Variants in CANX observed in about 807,000 individuals in gnomAD.
CANX encodes the protein epididymis secretory sperm binding protein.
Under a neutral mutation model 75.7 loss-of-function variants are expected in CANX, and 14 were observed. The observed-to-expected ratio is 0.19, with a 90% CI of 0.12 to 0.29. CANX has a LOEUF of 0.29. Ranked by LOEUF, CANX falls within the 10% of genes least tolerant of loss-of-function variation. CANX has a pLI of 1.00. For missense variants in CANX, 567 were observed against 713.2 expected, an observed-to-expected ratio of 0.79 and a Z score of 2.34; for synonymous variants, 227 against 236.9, an observed-to-expected ratio of 0.96 and a Z score of 0.38.
intron 1 of CANX, among the ~76,000 whole-genome samples, chr5:179,705,004 T>TG (rs896447233): frequency 2.2e-4 from 34 of 152,278 alleles, no homozygotes; most frequent in African/African-American, 7.7e-4. Flanking sequence ...TGTTAATTTT[T>TG]TTTTTTGAGA....
At chr5:179,710,868 C>T (rs1777506002) in intron 7 of CANX, among the ~76,000 whole-genome samples, 1 of 151,388 alleles carries the variant, frequency 6.6e-6, no homozygotes. Flanking sequence ...GCATGGCCAA[C>T]ATGGTAAAAC....
intron 1 of CANX, among the ~76,000 whole-genome samples, chr5:179,689,056 C>T (rs994414608): frequency 6.6e-6 from 1 of 151,950 alleles, no homozygotes; most frequent in African/African-American, 2.4e-5. Context: ...CAAGACCAGC[C>T]CAGCCAACAT....
At chr5:179,707,533 G>A (rs1282953582) in intron 4 of CANX, among the ~76,000 whole-genome samples, 8 of 141,550 alleles carry the variant, frequency 5.7e-5, no homozygotes, top group African/African-American at 1.6e-4. Flanking sequence ...GCAGTGAGCC[G>A]AGAACGCGCC....
chr5:179,701,736 CTTTTTTT>C lies in CANX; in HGVS notation c.-4+2655_-4+2661del, dbSNP rs558907168. Reference sequence around the variant, plus strand: ...ATTCTTTGTTACTCCAACAGATGTACTTTTTTTTTTTTTTTTTTTTTTTTTTTGAGAC... The same window carrying C: ...ATTCTTTGTTACTCCAACAGATGTACTTTTTTTTTTTTTTTTTTTTGAGAC... On this transcript the variant is annotated intron_variant, in intron 1 of 14. Transcript: ENST00000247461. Among the ~76,000 whole-genome samples, 34 of 43,996 alleles carry C rather than the reference CTTTTTTT, an allele frequency of 7.7e-4. 1 individual carries two copies. In the South Asian group the frequency reaches 0.01, roughly 14 times the overall value. The allele number at this position is 43,996 out of a possible 152,430, so 28.9% of individuals were successfully genotyped here. A position where few individuals can be genotyped will look rare whatever the true frequency, so the allele number is the denominator to read the frequency against.
intron 1 of CANX, among the ~76,000 whole-genome samples, chr5:179,690,721 T>C (rs779105155): frequency 7.3e-5 from 11 of 151,430 alleles, no homozygotes; most frequent in Non-Finnish European, 1.5e-4. Flanking sequence ...GGAAGCCGTC[T>C]CTACTAAAAA....
rs563984641 is a variant in CANX at position 179,723,259 on chromosome 5, GA to G, written c.1398+243del. On this transcript the variant is annotated intron_variant, in intron 11 of 14. Coordinates refer to ENST00000247461, the MANE Select transcript of CANX (RefSeq NM_001746.4). ...TATTATTTGTCTGGGTATATATTTC[GA>G]AATTTGTCATTTAGGCTATATTTTA... is the stretch of plus-strand genomic sequence containing the variant. Among the ~76,000 whole-genome samples the G allele has an allele frequency of 2.5e-4, 38 of 151,714 alleles. No individual in the cohort carries two copies. The East Asian group carries it at 7.3e-3, about 29-fold the overall frequency.
intron 2 of CANX, 73 bp from the exon 3 acceptor site, chr5:179,706,182 CAGG>C (rs898114925): frequency 5.1e-5 from 44 of 861,246 alleles, no homozygotes; most frequent in African/African-American, 3.4e-4. Flanking sequence ...GAAAGCAAAC[CAGG>C]AGAATAGATT....
At chr5:179,723,561 T>G (rs1002585232) in intron 11 of CANX, 99 bp from the exon 12 acceptor site, 55 of 1,217,084 alleles carry the variant, frequency 4.5e-5, no homozygotes, top group Non-Finnish European at 3.2e-5. Flanking sequence ...AAGAAGGTCC[T>G]GCGTAGTGCC....
chr5:179,695,416 G>A (rs1776378660), upstream of CANX, among the ~76,000 whole-genome samples: 1 of 151,900 alleles, frequency 6.6e-6, no homozygotes, highest in South Asian at 2.1e-4. Context: ...CGCATCCTCT[G>A]CTTCCTGGGT....
At chr5:179,720,975 T>G (rs1359498901) in intron 10 of CANX, among the ~76,000 whole-genome samples, 1 of 151,878 alleles carries the variant, frequency 6.6e-6, no homozygotes, top group Non-Finnish European at 1.5e-5. Flanking sequence ...GCAGAGATGG[T>G]GTTTCACCAT....
chr5:179,683,424 C>T (rs769629825), intron 1 of CANX, among the ~76,000 whole-genome samples: 36 of 151,956 alleles, frequency 2.4e-4, no homozygotes, highest in African/African-American at 3.6e-4. Context: ...TGAGCCACCG[C>T]GCCCGGCCAA....
chr5:179,682,790 G>A (rs1173958629), intron 1 of CANX, among the ~76,000 whole-genome samples: 1 of 152,052 alleles, frequency 6.6e-6, no homozygotes, highest in Non-Finnish European at 1.5e-5. Flanking sequence ...GTGATTTTGG[G>A]ACAGGGTGAG....
rs1775993870 is a variant in CANX at position 179,679,354 on chromosome 5, C to G, written c.-4+577C>G. 2.2e-5 allele frequency: 26 copies of G among 1,161,140 alleles called. No homozygotes were observed. The South Asian group carries it at 4.2e-4, about 19-fold the overall frequency. The allele number at this position is 1,161,140 out of a possible 1,614,324, so 71.9% of individuals were successfully genotyped here. On this transcript the variant is annotated intron_variant, in intron 1 of 14. Transcript: ENST00000681674. ...CGGCGGACATGTCTTAGCCCTGCAGCTACGGCTGCGGCTGTGTCTCACCAG... is the reference window on the plus strand; with the variant it reads ...CGGCGGACATGTCTTAGCCCTGCAGGTACGGCTGCGGCTGTGTCTCACCAG...
intron 6 of CANX, 95 bp from the exon 7 acceptor site, chr5:179,709,778 G>T: frequency 5.1e-6 from 4 of 790,778 alleles, no homozygotes; most frequent in East Asian, 2.7e-5. Context: ...AATATATTTG[G>T]AATTTTATAA....
At chr5:179,725,502 A>G (rs1428548062) in intron 13 of CANX, among the ~76,000 whole-genome samples, 1 of 151,428 alleles carries the variant, frequency 6.6e-6, no homozygotes, top group Non-Finnish European at 1.5e-5. Context: ...TAACATGGTG[A>G]AACCCCATCT....
chr5:179,698,922 C>T (rs1368905543), upstream of CANX: 1 of 1,149,228 alleles, frequency 8.7e-7, no homozygotes, highest in Admixed American at 4.2e-5. Flanking sequence ...GGGCCAGGGG[C>T]GGGCACAGGG....
chr5:179,681,448 G>A (rs908403262), intron 1 of CANX, among the ~76,000 whole-genome samples: 8 of 152,196 alleles, frequency 5.3e-5, no homozygotes, highest in African/African-American at 1.9e-4. Context: ...GGGGGTGAGG[G>A]AAGCAAGACA....
Position 179,693,015 on chromosome 5 carries a change from A to G in CANX, c.-3-12664A>G, listed in dbSNP as rs867475890. Among the ~76,000 whole-genome samples the G allele has an allele frequency of 9.2e-5, 14 of 151,910 alleles. No homozygotes were observed. In the South Asian group the frequency reaches 1.2e-3, roughly 14 times the overall value. ...CAAAAAATTAGCCGGGCACAGTGGC[A>G]GGCGCCTGTAGTCCCTGCTACTCAG... On this transcript the variant is annotated intron_variant, in intron 1 of 14. Coordinates refer to the CANX transcript ENST00000681674.
intron 7 of CANX, 73 bp from the exon 8 acceptor site, chr5:179,716,032 A>C (rs371683537): frequency 9.0e-7 from 1 of 1,109,104 alleles, no homozygotes; most frequent in Non-Finnish European, 1.4e-6. Context: ...GTTAGAAGTC[A>C]TGATCTTTTG....
Sources: allele counts gnomAD v4.1 joint callset (sites outside exome capture counted in the v4.1 genomes callset), GRCh38; gene constraint gnomAD v4.1.1; transcripts MANE v1.5; gene names NCBI Gene and HGNC (gene_info 2026-07-23, HGNC 2026-07-21).